The following WDFY3 variants were observed in gnomAD, a reference collection of about 807,000 sequenced individuals.
WDFY3 encodes WD repeat and FYVE domain containing 3.
A neutral mutation model predicts 409.6 loss-of-function variants in WDFY3; 66 were observed. The observed-to-expected ratio is 0.16, with a 90% confidence interval of 0.13 to 0.20. The LOEUF is 0.20. WDFY3 is among the 10% of genes least tolerant of loss of function. The pLI, the probability that WDFY3 is intolerant of heterozygous loss-of-function variation, is 1.00. For synonymous variants in WDFY3, 1,521 were observed against 1,537.1 expected, an observed-to-expected ratio of 0.99 and a Z score of 0.25; for missense variants, 3,031 against 4,298.1, an observed-to-expected ratio of 0.71 and a Z score of 8.24.
At chr4:84,855,084 A>G (rs1431314015) in intron 4 of WDFY3, among the ~76,000 whole-genome samples, 2 of 152,246 alleles carry the variant, frequency 1.3e-5, no homozygotes, top group East Asian at 1.9e-4. Flanking sequence ...TTCACTGGAA[A>G]TAACAATTAC....
intron 3 of WDFY3, among the ~76,000 whole-genome samples, chr4:84,886,142 A>G (rs375931058): frequency 6.6e-6 from 1 of 152,344 alleles, no homozygotes; most frequent in South Asian, 2.1e-4. Context: ...ACATGGACAC[A>G]TATTAACAAA....
chr4:84,684,040 C>G lies in WDFY3; in HGVS notation c.9629G>C (p.Gly3210Ala). The change falls in exon 63 of 68, where the codon GGT (glycine) becomes GCT (alanine). Residue 3210 changes from glycine to alanine, a missense_variant. Physicochemically the swap from Gly to Ala is moderately conservative, Grantham distance 60. This residue lies in a region of WDFY3 where 378 missense variants were observed against 477.3 expected (regional missense o/e 0.79). Coordinates refer to ENST00000295888, the MANE Select transcript of WDFY3 (RefSeq NM_014991.6). Reference protein sequence around the residue: ...NPIVSVNTFTGRSQQIICCCM... With the variant: ...NPIVSVNTFTARSQQIICCCM... ...GCAGCAGATGATCTGCTGGCTCCTA[C>G]CTGTGAACGTGTTGACACTCACGAT... 1 of 1,613,848 alleles carries G rather than the reference C, an allele frequency of 6.2e-7. No homozygotes were observed. The highest frequency in any genetic ancestry group is 8.5e-7 in the Non-Finnish European group (1 of 1,179,752).
In WDFY3 at chr4:84,821,400, G is replaced by A. The variant is rs770613296; in HGVS notation, c.1275C>T (p.His425=). The change falls in exon 11 of 68, where the codon CAC becomes CAT. Residue 425 remains histidine, a synonymous_variant. Transcript: ENST00000295888. ...TCTTCTCTGCAAACTGTGACAATGT[G>A]TGCTGTGACTCTAGGATGAAGTAAT... ...NANYFILESQ[H]TLSQFAEKIS... 5 of 1,613,904 alleles carry A rather than the reference G, an allele frequency of 3.1e-6. No individual in the cohort carries two copies. The highest frequency in any genetic ancestry group is 2.2e-5 in the East Asian group (1 of 44,860).
chr4:84,854,994 G>A (rs531280844), intron 4 of WDFY3, among the ~76,000 whole-genome samples: 1 of 151,990 alleles, frequency 6.6e-6, no homozygotes, highest in South Asian at 2.1e-4. Context: ...AACTCAAAAG[G>A]GCTGATTCTA....
At chr4:84,690,379 A>G in intron 61 of WDFY3, 127 bp downstream of exon 61, 1 of 1,327,470 alleles carries the variant, frequency 7.5e-7, no homozygotes, top group Non-Finnish European at 1.0e-6. Flanking sequence ...TAGCAACAGA[A>G]CGTCACTTTG....
intron 5 of WDFY3, among the ~76,000 whole-genome samples, chr4:84,842,639 G>A (rs192762090): frequency 6.5e-4 from 98 of 151,846 alleles, no homozygotes; most frequent in African/African-American, 2.1e-3. Flanking sequence ...AAAATTAGCC[G>A]AGTGTGGTGG....
intron 3 of WDFY3, among the ~76,000 whole-genome samples, chr4:84,882,953 C>T (rs1230993201): frequency 3.9e-5 from 6 of 152,124 alleles, no homozygotes; most frequent in African/African-American, 1.4e-4. Context: ...GCGATCCTCC[C>T]ACCTTGGACT....
chr4:84,861,041 T>G (rs955554313), intron 3 of WDFY3, among the ~76,000 whole-genome samples: 4 of 152,046 alleles, frequency 2.6e-5, no homozygotes, highest in Non-Finnish European at 5.9e-5. Context: ...CAAAACCCTG[T>G]CTCTACTAAA....
intron 43 of WDFY3, among the ~76,000 whole-genome samples, chr4:84,734,798 AT>A (rs1488712332): frequency 6.6e-6 from 1 of 152,200 alleles, no homozygotes; most frequent in East Asian, 1.9e-4. Flanking sequence ...TGTCAACAGA[AT>A]TCAGCTGGGC....
chr4:84,855,674 T>C (rs1759662755), intron 4 of WDFY3, among the ~76,000 whole-genome samples: 1 of 152,242 alleles, frequency 6.6e-6, no homozygotes. Flanking sequence ...TAAGTCAGAC[T>C]ATGGACCATC....
chr4:84,690,559 C>G lies in WDFY3; in HGVS notation c.9310G>C (p.Val3104Leu), dbSNP rs1201268640. ...TCTTTGGAGGTGCCCATCTCCCACA[C>G]ACACACAACCGTGCTTGTTCCACCC... ...ITGGTSTVVC[V>L]WEMGTSKEKA... Residue 3104 changes from valine (V) to leucine (L), a missense_variant, in exon 61 of 68, where the codon GTG becomes CTG. Coordinates refer to ENST00000295888, the MANE Select transcript of WDFY3 (RefSeq NM_014991.6). The G allele has an allele frequency of 1.2e-6, 2 of 1,614,200 alleles. No individual in the cohort carries two copies. The highest frequency in any genetic ancestry group is 1.6e-4 in the Middle Eastern group (1 of 6,062).
chr4:84,702,533 ATT>A, intron 55 of WDFY3, 27 bp from the exon 56 acceptor site: 1 of 1,548,078 alleles, frequency 6.5e-7, no homozygotes, highest in Non-Finnish European at 8.7e-7. Context: ...ACACCTCTCT[ATT>A]AGAGAACCGT....
chr4:84,715,473 T>A, intron 49 of WDFY3, 90 bp from the exon 50 acceptor site: 1 of 840,424 alleles, frequency 1.2e-6, no homozygotes, highest in Non-Finnish European at 1.9e-6. Flanking sequence ...ATTTCTACAA[T>A]GTTCAAGAAG....
chr4:84,733,720 C>T, intron 43 of WDFY3, 111 bp from the exon 44 acceptor site: 1 of 1,014,970 alleles, frequency 9.9e-7, no homozygotes, highest in Non-Finnish European at 1.4e-6. Flanking sequence ...CAATCCACAC[C>T]ATTTCAGTTA....
chr4:84,814,201 T>C (rs979577506), intron 13 of WDFY3, among the ~76,000 whole-genome samples: 1 of 152,138 alleles, frequency 6.6e-6, no homozygotes, highest in Non-Finnish European at 1.5e-5. Context: ...CTCTCTGCCA[T>C]CCCCTATTTG....
At chr4:84,862,563 T>G (rs538490841) in intron 3 of WDFY3, among the ~76,000 whole-genome samples, 1 of 152,286 alleles carries the variant, frequency 6.6e-6, no homozygotes, top group South Asian at 2.1e-4. Context: ...CTATAAAAAT[T>G]TTATAAATTA....
intron 42 of WDFY3, 117 bp downstream of exon 42, chr4:84,736,053 A>G (rs1276022853): frequency 8.7e-7 from 1 of 1,145,788 alleles, no homozygotes; most frequent in East Asian, 2.6e-5. Flanking sequence ...GATTACTTCT[A>G]TCTCTATTCT....
At chr4:84,677,167 T>C (rs770898064) in intron 67 of WDFY3, 32 bp downstream of exon 67, 1 of 1,612,744 alleles carries the variant, frequency 6.2e-7, no homozygotes, top group East Asian at 2.2e-5. Flanking sequence ...GCTTAATCAA[T>C]GTAAATTCAA....
intron 3 of WDFY3, among the ~76,000 whole-genome samples, chr4:84,872,125 A>C (rs190082995): frequency 1.3e-5 from 2 of 152,308 alleles, no homozygotes; most frequent in African/African-American, 4.8e-5. Context: ...ATATGAAGGC[A>C]GATCAAGATA....
Sources: allele counts gnomAD v4.1 joint callset (sites outside exome capture counted in the v4.1 genomes callset), GRCh38; gene constraint gnomAD v4.1.1; regional missense constraint gnomAD v4.1.1; transcripts MANE v1.5; gene names NCBI Gene and HGNC (gene_info 2026-07-23, HGNC 2026-07-21).